The following IDO2 variants were observed in gnomAD, a reference collection of about 807,000 sequenced individuals.
IDO2 encodes indoleamine 2,3-dioxygenase-like 1 protein.
IDO2 carries 46 observed loss-of-function variants against 45.1 expected under a neutral mutation model. The observed-to-expected ratio is 1.02, with a 90% CI of 0.80 to 1.30. The LOEUF (loss-of-function observed/expected upper bound fraction) is 1.30. IDO2 is among the 50% of genes most tolerant of loss of function. The pLI is 0.00. For missense variants in IDO2, 544 were observed against 491.8 expected, an observed-to-expected ratio of 1.11 and a Z score of -1.00; for synonymous variants, 218 against 184.9, an observed-to-expected ratio of 1.18 and a Z score of -1.45.
intron 9 of IDO2, among the ~76,000 whole-genome samples, chr8:40,010,472 C>T (rs144496052): frequency 4.5e-4 from 68 of 152,218 alleles, no homozygotes; most frequent in African/African-American, 1.5e-3. Context: ...ATGTGATCTG[C>T]CTTCAGTTGC....
At chr8:40,015,853 A>G in exon 11 of IDO2, 1 of 445,758 alleles carries the variant, frequency 2.2e-6, no homozygotes, top group African/African-American at 2.0e-5. Context: ...CCTCATGCAG[A>G]ACCCCCAGAG....
intron 8 of IDO2, among the ~76,000 whole-genome samples, chr8:40,001,706 G>A (rs180732084): frequency 4.6e-5 from 7 of 152,054 alleles, no homozygotes; most frequent in African/African-American, 1.2e-4. Context: ...TTTAAATATA[G>A]CCAACCTGTA....
Position 40,008,820 on chromosome 8 carries a change from C to T in IDO2, c.719+3442C>T, listed in dbSNP as rs186080085. On this transcript the variant is annotated intron_variant, in intron 9 of 10. Coordinates refer to ENST00000502986, the Ensembl canonical transcript of IDO2. ...TATCTTTGATTTACATAAATGCCTC[C>T]GCTCTGTTTCTTACCCTCAAAATAT... Among the ~76,000 whole-genome samples, 229 of 152,220 alleles carry T rather than the reference C, an allele frequency of 1.5e-3. 1 individual carries two copies. Among genetic ancestry groups the T allele is most frequent in the African/African-American group, 4.7e-3 (196 of 41,530 alleles).
chr8:39,998,093 A>T (rs1399195417), intron 8 of IDO2: 1 of 222,126 alleles, frequency 4.5e-6, no homozygotes, highest in African/African-American at 2.3e-5. Flanking sequence ...CAGAGGTTCC[A>T]TATAACTGTC....
At chr8:39,982,676 C>T in exon 5 of IDO2, 1 of 1,610,646 alleles carries the variant, frequency 6.2e-7, no homozygotes, top group Non-Finnish European at 8.5e-7. Flanking sequence ...TCTTGCCCTT[C>T]CATTTGTCGA....
rs1439421335 is a variant in IDO2 at position 39,968,193 on chromosome 8, C to A, written c.195+4490C>A. 2.6e-5 allele frequency among the ~76,000 whole-genome samples: 4 copies of A among 151,902 alleles called. No individual in the cohort carries two copies. The South Asian group carries it at 8.3e-4, about 32-fold the overall frequency. On this transcript the variant is annotated intron_variant, in intron 3 of 10. Transcript: ENST00000502986. Reference sequence around the variant, plus strand: ...GATAGTGGAATAGTATTCAGCGATACAAATGATTGAGCAATTAATTTGTGC... The same window carrying A: ...GATAGTGGAATAGTATTCAGCGATAAAAATGATTGAGCAATTAATTTGTGC...
At chr8:39,988,064 A>G in intron 7 of IDO2, 94 bp downstream of exon 7, 1 of 717,210 alleles carries the variant, frequency 1.4e-6, no homozygotes, top group Non-Finnish European at 2.4e-6. Context: ...TCTCAACACA[A>G]ATGAACATAG....
chr8:39,939,898 C>T (rs568025724), intron 1 of IDO2, among the ~76,000 whole-genome samples: 1 of 152,216 alleles, frequency 6.6e-6, no homozygotes, highest in African/African-American at 2.4e-5. Flanking sequence ...AAATGAGGTC[C>T]TAAAAAGTTA....
chr8:40,002,544 C>T lies in IDO2; in HGVS notation c.668-2783C>T, dbSNP rs563971202. On this transcript the variant is annotated intron_variant, in intron 8 of 10. Transcript: ENST00000502986. Reference sequence around the variant, plus strand: ...GCGCGGTGGCTCACGCCTGTAATCCCAGCACTTTGGGAGGCTGAGGAGGGC... The same window carrying T: ...GCGCGGTGGCTCACGCCTGTAATCCTAGCACTTTGGGAGGCTGAGGAGGGC... Among the ~76,000 whole-genome samples the T allele has an allele frequency of 3.8e-4, 58 of 152,288 alleles. 1 individual carries two copies. Among genetic ancestry groups the T allele is most frequent in the Admixed American group, 5.9e-4 (9 of 15,294 alleles).
intron 8 of IDO2, among the ~76,000 whole-genome samples, chr8:39,990,140 G>T (rs1307760241): frequency 2.0e-5 from 3 of 152,300 alleles, no homozygotes; most frequent in African/African-American, 4.8e-5. Flanking sequence ...GAGGGGATGG[G>T]ATGCACAGTA....
chr8:40,012,933 A>C (rs937741732), intron 9 of IDO2, among the ~76,000 whole-genome samples: 81 of 152,318 alleles, frequency 5.3e-4, no homozygotes, highest in African/African-American at 1.7e-3. Context: ...TGTGGTCAAC[A>C]AAGTATTTGA....
Position 39,982,913 on chromosome 8 carries a change from ATCACAGGCCCC to A in IDO2, c.434+144_434+154del, listed in dbSNP as rs1348033533. The A allele has an allele frequency of 3.2e-5, 18 of 563,562 alleles. No individual in the cohort carries two copies. In the African/African-American group the frequency reaches 3.2e-4, roughly 10 times the overall value. The allele number at this position is 563,562 out of a possible 1,614,324, so 34.9% of individuals were successfully genotyped here. A position where few individuals can be genotyped will look rare whatever the true frequency, so the allele number is the denominator to read the frequency against. ...GGTGAGCTTGACCAAAAATTCAAAT[ATCACAGGCCCC>A]AGAAGTTTCCTCTTAATCCATTCTG... On this transcript the variant is annotated intron_variant, in intron 5 of 10. Transcript: ENST00000502986.
chr8:39,970,541 G>A (rs905660272), intron 3 of IDO2, among the ~76,000 whole-genome samples: 5 of 152,142 alleles, frequency 3.3e-5, no homozygotes, highest in African/African-American at 4.8e-5. Context: ...ACAGGCATCT[G>A]CCACAACGCC....
intron 8 of IDO2, chr8:39,997,965 G>T: frequency 4.4e-6 from 1 of 227,150 alleles, no homozygotes. Context: ...GCCGGCTGGT[G>T]ACTGGCTAGC....
chr8:39,937,491 C>T (rs1807570176), intron 1 of IDO2, among the ~76,000 whole-genome samples: 1 of 150,766 alleles, frequency 6.6e-6, no homozygotes, highest in Non-Finnish European at 1.5e-5. Context: ...GGAAGCTTTT[C>T]TATGAGAATT....
intron 1 of IDO2, among the ~76,000 whole-genome samples, chr8:39,942,509 G>A (rs1316464716): frequency 1.3e-5 from 2 of 152,192 alleles, no homozygotes; most frequent in Middle Eastern, 3.4e-3. Context: ...GCGTGGTGGC[G>A]GGCACTTATA....
At chr8:39,957,083 T>C (rs1404572967) in intron 2 of IDO2, among the ~76,000 whole-genome samples, 1 of 110,866 alleles carries the variant, frequency 9.0e-6, no homozygotes, top group African/African-American at 3.3e-5. Context: ...ATAAATAAAA[T>C]AAATAAATAA....
At chr8:40,008,445 A>G (rs1323329370) in intron 9 of IDO2, among the ~76,000 whole-genome samples, 2 of 152,188 alleles carry the variant, frequency 1.3e-5, no homozygotes, top group Non-Finnish European at 2.9e-5. Context: ...GTCTTATGTG[A>G]TTAGATTCAG....
intron 8 of IDO2, chr8:39,995,283 T>TTCTTCTTCTTCTTCTTCTTCC: frequency 7.2e-6 from 1 of 138,758 alleles, no homozygotes. Flanking sequence ...CTTCTTCTTC[T>TTCTTCTTCTTCTTCTTCTTCC]TCTTCTTTTT....
Sources: allele counts gnomAD v4.1 joint callset (sites outside exome capture counted in the v4.1 genomes callset), GRCh38; gene constraint gnomAD v4.1.1; transcripts MANE v1.5; gene names NCBI Gene and HGNC (gene_info 2026-07-23, HGNC 2026-07-21).